Variants in ULK4 observed in about 807,000 individuals in gnomAD.
The protein encoded by ULK4 is unc-51 like kinase 4.
ULK4 carries 133 observed loss-of-function variants against 160.6 expected under a neutral mutation model. That is an observed-to-expected ratio of 0.83 (90% CI 0.72 to 0.96). The LOEUF is 0.96. Ranked by LOEUF, ULK4 falls within the 40% of genes least tolerant of loss-of-function variation. ULK4 has a pLI of 0.00. For missense variants in ULK4, 1,580 were observed against 1,499.5 expected (o/e 1.05, Z -0.89); for synonymous variants, 534 against 539.8 (o/e 0.99, Z 0.15).
intron 16 of ULK4, among the ~76,000 whole-genome samples, chr3:41,892,779 C>T (rs556484528): frequency 6.6e-6 from 1 of 152,230 alleles, no homozygotes; most frequent in South Asian, 2.1e-4. Flanking sequence ...GACACCAGAC[C>T]CCCTCACCCA....
chr3:41,946,404 G>A (rs1267527824), intron 2 of ULK4, among the ~76,000 whole-genome samples: 1 of 152,142 alleles, frequency 6.6e-6, no homozygotes, highest in Non-Finnish European at 1.5e-5. Context: ...ATCTGGAGAG[G>A]GCAGGAGGCA....
chr3:41,924,079 T>C (rs935051958), intron 5 of ULK4, among the ~76,000 whole-genome samples: 8 of 152,124 alleles, frequency 5.3e-5, no homozygotes, highest in African/African-American at 1.9e-4. Context: ...AGAAGCTCTT[T>C]TCGATATTAT....
rs2081177572 is a variant in ULK4, at chr3:41,362,951, A to G, written c.3678+35128T>C. On this transcript the variant is annotated intron_variant, in intron 35 of 36. Coordinates refer to ENST00000301831, the MANE Select transcript of ULK4 (RefSeq NM_017886.4). The stretch of plus-strand genomic sequence containing the variant: ...CACTGTTCCTGGAAAGTTTCTGTGC[A>G]GTGATGCAGTCTCCAGTGTCATTTG... Among the ~76,000 whole-genome samples, 7 of 152,372 alleles carry G rather than the reference A, an allele frequency of 4.6e-5. No individual in the cohort carries two copies. The South Asian group carries it at 1.4e-3, about 32-fold the overall frequency.
intron 32 of ULK4, among the ~76,000 whole-genome samples, chr3:41,502,861 T>A (rs919625672): frequency 2.0e-5 from 3 of 152,186 alleles, no homozygotes; most frequent in African/African-American, 7.2e-5. Context: ...TTGATTATGG[T>A]GATGGCTTCA....
chr3:41,881,284 TAA>T lies in ULK4; in HGVS notation c.1656+2588_1656+2589del, dbSNP rs58977381. ...CCACACATCCTGTAGCAGAAACTTCTAAAAAAAAAAAAAAAAAAAAAAAAAAC... is the reference window on the plus strand; with the variant it reads ...CCACACATCCTGTAGCAGAAACTTCTAAAAAAAAAAAAAAAAAAAAAAAAC... On this transcript the variant is annotated intron_variant, in intron 17 of 36. Transcript: ENST00000301831. Among the ~76,000 whole-genome samples the T allele has an allele frequency of 3.5e-3, 446 of 126,198 alleles. 3 individuals carry two copies. The highest frequency in any genetic ancestry group is 0.021 in the East Asian group (99 of 4,712). 82.8% of individuals were successfully genotyped at this position (126,198 alleles called of 152,430 possible). A position where few individuals can be genotyped will look rare whatever the true frequency, so the allele number is the denominator to read the frequency against.
intron 31 of ULK4, among the ~76,000 whole-genome samples, chr3:41,602,687 A>C (rs548030181): frequency 2.6e-5 from 4 of 152,282 alleles, no homozygotes; most frequent in African/African-American, 9.6e-5. Context: ...CCATAATCAT[A>C]TAGTTTCAGA....
intron 32 of ULK4, among the ~76,000 whole-genome samples, chr3:41,503,026 G>A (rs1359441594): frequency 1.3e-5 from 2 of 151,392 alleles, no homozygotes; most frequent in Non-Finnish European, 2.9e-5. Context: ...ATTAGCCTAA[G>A]GAAAAAAAAA....
chr3:41,889,705 A>C (rs896614439), intron 16 of ULK4, among the ~76,000 whole-genome samples: 6 of 152,228 alleles, frequency 3.9e-5, no homozygotes, highest in African/African-American at 1.4e-4. Context: ...TAAGAAAGAG[A>C]GTTTGGCAGT....
At chr3:41,482,513 T>C (rs148345334) in intron 32 of ULK4, among the ~76,000 whole-genome samples, 6 of 152,252 alleles carry the variant, frequency 3.9e-5, no homozygotes, top group Admixed American at 2.0e-4. Flanking sequence ...GACATAAAAA[T>C]AGTTCTTGCC....
intron 32 of ULK4, among the ~76,000 whole-genome samples, chr3:41,466,249 G>A (rs1455629262): frequency 6.6e-6 from 1 of 152,138 alleles, no homozygotes; most frequent in Non-Finnish European, 1.5e-5. Context: ...TGTACTTAGA[G>A]TCCATGGTCT....
chr3:41,819,055 G>T (rs1463175876), intron 19 of ULK4, among the ~76,000 whole-genome samples: 33 of 152,158 alleles, frequency 2.2e-4, no homozygotes, highest in Admixed American at 2.0e-3. Flanking sequence ...GATAATCATG[G>T]GTTGTCTCAG....
At chr3:41,613,231 T>G (rs529053277) in intron 31 of ULK4, among the ~76,000 whole-genome samples, 6 of 152,194 alleles carry the variant, frequency 3.9e-5, no homozygotes, top group Non-Finnish European at 7.3e-5. Flanking sequence ...AGCTCTAAGA[T>G]GCACCATTAT....
chr3:41,716,500 C>T (rs1228979428), intron 23 of ULK4, among the ~76,000 whole-genome samples: 3 of 152,074 alleles, frequency 2.0e-5, no homozygotes, highest in East Asian at 1.9e-4. Flanking sequence ...GCTTACAATC[C>T]GAAATAAATT....
At chr3:41,539,441 T>G (rs968522027) in intron 32 of ULK4, among the ~76,000 whole-genome samples, 3 of 152,104 alleles carry the variant, frequency 2.0e-5, no homozygotes, top group African/African-American at 7.2e-5. Flanking sequence ...TCCACCTTAT[T>G]TTCTGAAGCT....
At chr3:41,804,413 T>G (rs1559565180) in intron 19 of ULK4, among the ~76,000 whole-genome samples, 1 of 152,044 alleles carries the variant, frequency 6.6e-6, no homozygotes, top group Non-Finnish European at 1.5e-5. Context: ...TTGCAAAAAT[T>G]TTCTCCCATT....
intron 1 of ULK4, among the ~76,000 whole-genome samples, chr3:41,959,109 A>T (rs1403282711): frequency 1.3e-5 from 2 of 152,284 alleles, no homozygotes; most frequent in African/African-American, 4.8e-5. Context: ...TACGCCTGTA[A>T]TCCCAGCACT....
chr3:41,811,810 T>C (rs2040826199), intron 19 of ULK4, among the ~76,000 whole-genome samples: 1 of 152,184 alleles, frequency 6.6e-6, no homozygotes, highest in Admixed American at 6.5e-5. Flanking sequence ...CAAAGCTACC[T>C]CATCCTGCGT....
intron 25 of ULK4, among the ~76,000 whole-genome samples, chr3:41,709,438 G>A (rs2037014479): frequency 6.6e-6 from 1 of 152,172 alleles, no homozygotes; most frequent in Non-Finnish European, 1.5e-5. Flanking sequence ...CCAGGCTGGA[G>A]TGCACTGGCA....
intron 17 of ULK4, among the ~76,000 whole-genome samples, chr3:41,882,962 T>A: frequency 6.6e-6 from 1 of 152,166 alleles, no homozygotes; most frequent in East Asian, 1.9e-4. Context: ...AGTAATCATA[T>A]AGGTCACAAT....
Sources: allele counts gnomAD v4.1 joint callset (sites outside exome capture counted in the v4.1 genomes callset), GRCh38; gene constraint gnomAD v4.1.1; transcripts MANE v1.5; gene names NCBI Gene and HGNC (gene_info 2026-07-23, HGNC 2026-07-21).